Variants in PLAAT2 observed in about 807,000 individuals in gnomAD.
PLAAT2 encodes the protein HRAS like suppressor 2.
Under a neutral mutation model 12.8 loss-of-function variants are expected in PLAAT2, and 12 were observed. The observed-to-expected ratio is 0.94, with a 90% CI of 0.60 to 1.52. PLAAT2 has a LOEUF of 1.52. Among genes scored for constraint, PLAAT2 ranks in the 40% most tolerant of loss-of-function variants. The pLI is 0.00. For missense variants in PLAAT2, 166 were observed against 208.1 expected (o/e 0.80, Z 1.24); for synonymous variants, 79 against 86.8 (o/e 0.91, Z 0.50).
At chr11:63,564,583 G>A (rs893688013), upstream of PLAAT2, among the ~76,000 whole-genome samples, 21 of 152,190 alleles carry the variant, frequency 1.4e-4, no homozygotes, top group Non-Finnish European at 2.8e-4. Context: ...ACGTGGTCAT[G>A]TGGTCTTGCT....
At chr11:63,563,509 G>A, upstream of PLAAT2, 1 of 621,110 alleles carries the variant, frequency 1.6e-6, no homozygotes, top group Non-Finnish European at 2.8e-6. Context: ...ACAAGGTCAG[G>A]AGATCGAGAC....
In PLAAT2 at chr11:63,558,582, G is replaced by A; in HGVS notation, c.197C>T (p.Ser66Phe). The A allele has an allele frequency of 6.2e-7, 1 of 1,614,252 alleles. No individual in the cohort carries two copies. The highest frequency in any genetic ancestry group is 8.5e-7 in the Non-Finnish European group (1 of 1,180,044). The part of the protein sequence containing the change: ...NKAIVKKELL[S>F]VVAGGDNYRV... The stretch of plus-strand genomic sequence containing the variant: ...GTAGTTGTCTCCCCCAGCCACCACA[G>A]ACAGCAGTTCCTTCTTCACTATGGC... Residue 66 changes from serine (S) to phenylalanine (F), a missense_variant, in exon 3 of 4, where the codon TCT (serine) becomes TTT (phenylalanine). Coordinates refer to ENST00000255695, the MANE Select transcript of PLAAT2 (RefSeq NM_017878.2).
In PLAAT2 at chr11:63,560,175, G is replaced by A. The variant is rs969129229; in HGVS notation, c.28C>T (p.Leu10Phe). 6.2e-7 allele frequency: 1 copy of A among 1,613,552 alleles called. No individual in the cohort carries two copies. Among genetic ancestry groups the A allele is most frequent in the Non-Finnish European group, 8.5e-7 (1 of 1,179,700 alleles). Residue 10 changes from leucine to phenylalanine, a missense_variant, in exon 2 of 4, where the codon CTT (leucine) becomes TTT (phenylalanine). Transcript: ENST00000255695. Reference sequence around the variant, plus strand: ...CGAGAAATCTCAATCAGGTCTCCAAGTCTCGGTCTTGGTCTGGCCTGCAAC... The same window carrying A: ...CGAGAAATCTCAATCAGGTCTCCAAATCTCGGTCTTGGTCTGGCCTGCAAC... The part of the protein sequence containing the change: MALARPRPR[L>F]GDLIEISRFG...
chr11:63,554,718 G>T (rs969844322), intron 3 of PLAAT2, among the ~76,000 whole-genome samples: 8 of 152,108 alleles, frequency 5.3e-5, no homozygotes, highest in Non-Finnish European at 1.0e-4. Context: ...CCCAACAGGG[G>T]CACTTAAGCC....
chr11:63,561,570 G>T (rs1008000539), intron 1 of PLAAT2, among the ~76,000 whole-genome samples: 1 of 148,288 alleles, frequency 6.7e-6, no homozygotes, highest in African/African-American at 2.5e-5. Context: ...GCTTGAACCC[G>T]GGAGGCAGGG....
chr11:63,558,301 C>T, intron 3 of PLAAT2, 91 bp downstream of exon 3: 1 of 1,417,526 alleles, frequency 7.1e-7, no homozygotes, highest in South Asian at 1.3e-5. Flanking sequence ...ATGTCTATTT[C>T]CATCCCACCC....
At chr11:63,555,289 G>A (rs968596243) in intron 3 of PLAAT2, among the ~76,000 whole-genome samples, 1 of 151,952 alleles carries the variant, frequency 6.6e-6, no homozygotes, top group African/African-American at 2.4e-5. Flanking sequence ...CCACATCCAT[G>A]GATCCAATCA....
upstream of PLAAT2, among the ~76,000 whole-genome samples, chr11:63,564,978 C>G (rs145672337): frequency 1.5e-3 from 226 of 152,234 alleles, 1 homozygote; most frequent in African/African-American, 5.1e-3. Flanking sequence ...GGGCTTGTGG[C>G]TTTTCACCGA....
rs187727873 is a variant in PLAAT2, at chr11:63,554,533, C to A, written c.388-1468G>T. Among the ~76,000 whole-genome samples, 466 of 151,038 alleles carry A rather than the reference C, an allele frequency of 3.1e-3. 4 individuals carry two copies. Among genetic ancestry groups the A allele is most frequent in the African/African-American group, 0.011 (444 of 41,154 alleles). ...ATCCCAGCTACCTGGGAGGCTGAGG[C>A]AGGAGAATTGCTTGAACCCAGGAGG... On this transcript the variant is annotated intron_variant, in intron 3 of 3. Coordinates refer to ENST00000255695, the MANE Select transcript of PLAAT2 (RefSeq NM_017878.2).
Position 63,553,078 on chromosome 11 carries a change from AGAAG to A in PLAAT2, c.388-17_388-14del. 1 of 1,581,630 alleles carries A rather than the reference AGAAG, an allele frequency of 6.3e-7. No individual in the cohort carries two copies. Among genetic ancestry groups the A allele is most frequent in the Non-Finnish European group, 8.7e-7 (1 of 1,152,166 alleles). On this transcript the variant is annotated splice_polypyrimidine_tract_variant and intron_variant, in intron 3 of 3. Transcript: ENST00000255695. ...CTGCACCAGTGACCTGCAGCAGAAG[AGAAG>A]GGAGAGCACACTCAGCATCAGGGCG...
At chr11:63,562,530 CT>C (rs1590672060) in intron 1 of PLAAT2, among the ~76,000 whole-genome samples, 1 of 152,112 alleles carries the variant, frequency 6.6e-6, no homozygotes, top group East Asian at 1.9e-4. Flanking sequence ...TACATTCTTT[CT>C]TTTTTAAGTC....
intron 3 of PLAAT2, among the ~76,000 whole-genome samples, chr11:63,556,780 C>T (rs2017470035): frequency 6.6e-6 from 1 of 152,228 alleles, no homozygotes; most frequent in Non-Finnish European, 1.5e-5. Context: ...AAGGTGTAAA[C>T]ACTCCTAGTC....
At chr11:63,563,876 T>C (rs954752882), upstream of PLAAT2, among the ~76,000 whole-genome samples, 34 of 151,996 alleles carry the variant, frequency 2.2e-4, no homozygotes, top group African/African-American at 8.0e-4. Flanking sequence ...GAGAAGGACT[T>C]AGTGGCAGTG....
In PLAAT2 at chr11:63,560,197, C is replaced by T. The variant is rs200278153; in HGVS notation, c.10-4G>A. ...CAAGTCTCGGTCTTGGTCTGGCCTGCAACAGAAAAACCAGAAACAGGCAGA... is the reference window on the plus strand; with the variant it reads ...CAAGTCTCGGTCTTGGTCTGGCCTGTAACAGAAAAACCAGAAACAGGCAGA... On this transcript the variant is annotated splice_polypyrimidine_tract_variant and splice_region_variant and intron_variant, in intron 1 of 3. Coordinates refer to ENST00000255695, the MANE Select transcript of PLAAT2 (RefSeq NM_017878.2). 73 of 1,611,052 alleles carry T rather than the reference C, an allele frequency of 4.5e-5. No homozygotes were observed. Among genetic ancestry groups the T allele is most frequent in the Non-Finnish European group, 5.9e-5 (70 of 1,178,104 alleles).
chr11:63,553,717 C>T lies in PLAAT2; in HGVS notation c.388-652G>A, dbSNP rs1382558933. Among the ~76,000 whole-genome samples, 3 of 152,124 alleles carry T rather than the reference C, an allele frequency of 2.0e-5. No homozygotes were observed. In the East Asian group the frequency reaches 5.8e-4, roughly 29 times the overall value. ...CCCAGCAAGGACAGAGGGGCAGTGC[C>T]CCAATGTTCTAGGTCAGGGCTGGCT... On this transcript the variant is annotated intron_variant, in intron 3 of 3. Transcript: ENST00000255695.
chr11:63,554,100 G>T (rs1410954718), intron 3 of PLAAT2, among the ~76,000 whole-genome samples: 6 of 148,820 alleles, frequency 4.0e-5, no homozygotes, highest in African/African-American at 1.5e-4. Context: ...CGATCCTGTG[G>T]GTCTGCCCTG....
intron 1 of PLAAT2, among the ~76,000 whole-genome samples, chr11:63,561,014 T>C (rs915535629): frequency 6.6e-6 from 1 of 152,138 alleles, no homozygotes; most frequent in African/African-American, 2.4e-5. Flanking sequence ...AAATTCTGTT[T>C]CCGGTATGCT....
At chr11:63,560,243 C>T in intron 1 of PLAAT2, 50 bp from the exon 2 acceptor site, 3 of 1,404,836 alleles carry the variant, frequency 2.1e-6, no homozygotes, top group Non-Finnish European at 3.0e-6. Flanking sequence ...CTGCAGGAAA[C>T]ATTCTAGGGC....
At position 63,553,156 on chromosome 11, in the gene PLAAT2, T is replaced by C. The variant is rs2017433521; in HGVS notation, c.388-91A>G. ...AACTACAGCTCAGGAAAGACTCATC[T>C]GGCCCAGTCCTCTTCATTTGAATCA... On this transcript the variant is annotated intron_variant, in intron 3 of 3. Coordinates refer to ENST00000255695, the MANE Select transcript of PLAAT2 (RefSeq NM_017878.2). The C allele has an allele frequency of 6.5e-6, 5 of 772,794 alleles. No individual in the cohort carries two copies. The East Asian group carries it at 1.3e-4, about 20-fold the overall frequency. 47.9% of individuals were successfully genotyped at this position (772,794 alleles called of 1,614,324 possible). A position where few individuals can be genotyped will look rare whatever the true frequency, so the allele number is the denominator to read the frequency against.
Sources: gnomAD v4.1 joint callset for allele counts (sites outside exome capture counted in the v4.1 genomes callset) on GRCh38, gnomAD v4.1.1 for gene constraint, MANE v1.5 for transcripts, NCBI Gene and HGNC (gene_info 2026-07-23, HGNC 2026-07-21) for gene names.